KRT28: variants seen among roughly 807,000 people sequenced by gnomAD.
The protein encoded by KRT28 is keratin 28.
Under a neutral mutation model 48.1 loss-of-function variants are expected in KRT28, and 45 were observed. That is an observed-to-expected ratio of 0.94 (90% CI 0.74 to 1.20). The LOEUF (loss-of-function observed/expected upper bound fraction) is 1.20. Among genes scored for constraint, KRT28 ranks in the 50% most tolerant of loss-of-function variants. KRT28 has a pLI of 0.00. For missense variants in KRT28, 571 were observed against 574.1 expected, an observed-to-expected ratio of 0.99 and a Z score of 0.06; for synonymous variants, 228 against 227.4, an observed-to-expected ratio of 1.00 and a Z score of -0.03.
chr17:40,794,495 T>C (rs1342349173), intron 5 of KRT28, among the ~76,000 whole-genome samples: 1 of 152,242 alleles, frequency 6.6e-6, no homozygotes, highest in Non-Finnish European at 1.5e-5. Flanking sequence ...TTTGTGCTAC[T>C]GCTTTTTTTT....
intron 3 of KRT28, 149 bp downstream of exon 3, chr17:40,798,086 T>C: frequency 1.6e-6 from 1 of 640,918 alleles, no homozygotes; most frequent in East Asian, 2.5e-5. Flanking sequence ...CCCCTCGTAG[T>C]AGGTAGTATT....
At position 40,798,570 on chromosome 17, in the gene KRT28, G is replaced by C. The variant is rs1006259342; in HGVS notation, c.534-179C>G. On this transcript the variant is annotated intron_variant, in intron 2 of 7. Coordinates refer to ENST00000306658, the MANE Select transcript of KRT28 (RefSeq NM_181535.3). Reference sequence around the variant, plus strand: ...CACTCAATTCTGTACAGGATAATTGGAAGTTATTTCATCACACAAATTCCA... The same window carrying C: ...CACTCAATTCTGTACAGGATAATTGCAAGTTATTTCATCACACAAATTCCA... Among the ~76,000 whole-genome samples, 17 of 152,170 alleles carry C rather than the reference G, an allele frequency of 1.1e-4. 1 individual carries two copies. Among genetic ancestry groups the C allele is most frequent in the Admixed American group, 1.1e-3 (17 of 15,278 alleles).
intron 3 of KRT28, 68 bp downstream of exon 3, chr17:40,798,167 C>A (rs1218451137): frequency 2.7e-6 from 4 of 1,463,060 alleles, no homozygotes; most frequent in African/African-American, 1.4e-5. Flanking sequence ...TGATTTTAAC[C>A]CCCAACCCCT....
At chr17:40,795,820 C>G (rs1300285519) in intron 5 of KRT28, among the ~76,000 whole-genome samples, 1 of 152,170 alleles carries the variant, frequency 6.6e-6, no homozygotes, top group Non-Finnish European at 1.5e-5. Flanking sequence ...AGGATTCACT[C>G]ACACAGCTCC....
intron 1 of KRT28, 123 bp from the exon 2 acceptor site, chr17:40,799,122 C>A (rs1457929241): frequency 1.6e-6 from 1 of 612,336 alleles, no homozygotes; most frequent in Non-Finnish European, 2.8e-6. Context: ...ATGTAATAAT[C>A]AAAATGTTTC....
At chr17:40,796,540 C>T (rs767843809) in intron 5 of KRT28, among the ~76,000 whole-genome samples, 5 of 152,198 alleles carry the variant, frequency 3.3e-5, no homozygotes, top group Non-Finnish European at 7.4e-5. Context: ...GATGCTGGCT[C>T]CCTGCCCTGT....
Position 40,797,152 on chromosome 17 carries a change from G to A in KRT28, c.820C>T (p.Arg274Cys), listed in dbSNP as rs568772319. 3.1e-6 allele frequency: 5 copies of A among 1,614,136 alleles called. No homozygotes were observed. The highest frequency in any genetic ancestry group is 1.7e-5 in the Admixed American group (1 of 60,020). The change falls in exon 4 of 8, where the codon CGC (arginine) becomes TGC (cysteine). Residue 274 changes from arginine (R) to cysteine (C), a missense_variant. Coordinates refer to ENST00000306658, the MANE Select transcript of KRT28 (RefSeq NM_181535.3). ...AEYEALAEQN[R>C]KDAEAWFNEK... ...TTGAACCAGGCCTCCGCGTCCTTGC[G>A]GTTCTGCTCTGCAAGGGCTTCGTAC...
chr17:40,795,900 C>A (rs1904602411), intron 5 of KRT28, among the ~76,000 whole-genome samples: 1 of 152,018 alleles, frequency 6.6e-6, no homozygotes, highest in South Asian at 2.1e-4. Context: ...AGGAAGGTTC[C>A]AGGAGCCCAC....
At position 40,792,436 on chromosome 17, in the gene KRT28, A is replaced by G. The variant is rs1261053079; in HGVS notation, c.1386T>C (p.Val462=). The G allele has an allele frequency of 6.2e-7, 1 of 1,608,478 alleles. No homozygotes were observed. Among genetic ancestry groups the G allele is most frequent in the Admixed American group, 1.7e-5 (1 of 58,834 alleles). The part of the protein sequence containing the change: ...KMTNGKTEQR[V]PF ...TTCTCTAAAATGACAGCTAGAAAGGAACCCTTTGTTCTGTCTTGCCGTTGG... is the reference window on the plus strand; with the variant it reads ...TTCTCTAAAATGACAGCTAGAAAGGGACCCTTTGTTCTGTCTTGCCGTTGG... The change falls in exon 8 of 8, where the codon GTT becomes GTC. Residue 462 remains valine, a synonymous_variant. Coordinates refer to ENST00000306658, the MANE Select transcript of KRT28 (RefSeq NM_181535.3).
rs1246606990 is a variant in KRT28, at chr17:40,799,549, C to T, written c.345G>A (p.Glu115=). 6.2e-7 allele frequency: 1 copy of T among 1,614,214 alleles called. No individual in the cohort carries two copies. The highest frequency in any genetic ancestry group is 8.5e-7 in the Non-Finnish European group (1 of 1,180,042). Residue 115 remains glutamate (E), a synonymous_variant, in exon 1 of 8, where the codon GAG becomes GAA. Transcript: ENST00000306658. ...RALEEANAEL[E]RKIKGWYEKY... ...TTTCATACCAACCCTTGATTTTTCT[C>T]TCTAATTCAGCATTTGCCTCCTCCA...
At chr17:40,793,124 A>G (rs756536308) in intron 7 of KRT28, 31 bp downstream of exon 7, 43 of 1,439,876 alleles carry the variant, frequency 3.0e-5, no homozygotes, top group Non-Finnish European at 4.1e-5. Flanking sequence ...AAAGAAAAGA[A>G]AAGAAAAGAA....
rs76772607 is a variant in KRT28, at chr17:40,797,180, C to G, written c.792G>C (p.Ala264=). 2 of 1,614,150 alleles carry G rather than the reference C, an allele frequency of 1.2e-6. No individual in the cohort carries two copies. Among genetic ancestry groups the G allele is most frequent in the Admixed American group, 1.7e-5 (1 of 60,028 alleles). Reference sequence around the variant, plus strand: ...TCTGCTCTGCAAGGGCTTCGTACTCCGCTCGCATGTTGTTCAACAAAACCG... The same window carrying G: ...TCTGCTCTGCAAGGGCTTCGTACTCGGCTCGCATGTTGTTCAACAAAACCG... ...DLAVLLNNMR[A]EYEALAEQNR... is the part of the protein sequence containing the mutation. The change falls in exon 4 of 8, where the codon GCG becomes GCC. Residue 264 remains alanine, a synonymous_variant. Coordinates refer to ENST00000306658, the MANE Select transcript of KRT28 (RefSeq NM_181535.3).
chr17:40,797,066 C>T (rs1904628934), intron 4 of KRT28, 25 bp from the exon 5 acceptor site: 4 of 1,610,064 alleles, frequency 2.5e-6, no homozygotes, highest in Middle Eastern at 3.3e-4. Flanking sequence ...AAAAGGGTCA[C>T]ACGGAGTCCC....
chr17:40,792,547 T>C lies in KRT28; in HGVS notation c.1275A>G (p.Val425=), dbSNP rs1904516989. 1 of 1,611,360 alleles carries C rather than the reference T, an allele frequency of 6.2e-7. No individual in the cohort carries two copies. The highest frequency in any genetic ancestry group is 8.5e-7 in the Non-Finnish European group (1 of 1,179,018). ...GATCTAGCTCTTCAACCACTGTCTT[T>C]ACCAGTGTGGTTTTGGATAAATCTA... The part of the protein sequence containing the change: ...SSKDLSKTTL[V]KTVVEELDQR... The change falls in exon 8 of 8, where the codon GTA becomes GTG. Residue 425 remains valine (V), a synonymous_variant. Transcript: ENST00000306658.
chr17:40,797,051 C>CG lies in KRT28; in HGVS notation c.853-11dup. The stretch of plus-strand genomic sequence containing the variant: ...GCTGCAGCGAGGCGCTCTGTAGGGC[C>CG]GGGAAAAAGGGTCACACGGAGTCCC... On this transcript the variant is annotated splice_polypyrimidine_tract_variant and intron_variant, in intron 4 of 7. Coordinates refer to ENST00000306658, the MANE Select transcript of KRT28 (RefSeq NM_181535.3). 1 of 1,609,428 alleles carries CG rather than the reference C, an allele frequency of 6.2e-7. No individual in the cohort carries two copies. Among genetic ancestry groups the CG allele is most frequent in the Non-Finnish European group, 8.5e-7 (1 of 1,177,574 alleles).
chr17:40,794,213 G>A (rs1057311964), intron 5 of KRT28, among the ~76,000 whole-genome samples, 167 bp from the exon 6 acceptor site: 15 of 152,098 alleles, frequency 9.9e-5, no homozygotes, highest in Non-Finnish European at 1.8e-4. Context: ...TGAAGTGAGG[G>A]CCAGGCATGA....
chr17:40,799,655 C>T lies in KRT28; in HGVS notation c.239G>A (p.Gly80Glu). The T allele has an allele frequency of 6.2e-7, 1 of 1,614,150 alleles. No homozygotes were observed. The highest frequency in any genetic ancestry group is 8.5e-7 in the Non-Finnish European group (1 of 1,180,026). Residue 80 changes from glycine to glutamate, a missense_variant, in exon 1 of 8, where the codon GGA becomes GAA. Gly to Glu is a moderately conservative substitution (Grantham distance 98). Coordinates refer to ENST00000306658, the MANE Select transcript of KRT28 (RefSeq NM_181535.3). ...CACCTTCTCATTTCCAGAGAGGAGT[C>T]CCCCTTCGCTTCCAGCAAAGCCAAT... ...ACIGFAGSEGGLLSGNEKVTM... is the reference protein window; with the variant it reads ...ACIGFAGSEGELLSGNEKVTM...
At chr17:40,796,333 T>C (rs1904612701) in intron 5 of KRT28, among the ~76,000 whole-genome samples, 1 of 152,228 alleles carries the variant, frequency 6.6e-6, no homozygotes, top group African/African-American at 2.4e-5. Context: ...AGCCAGGAGC[T>C]GGTGGTATGC....
Position 40,798,396 on chromosome 17 carries a change from G to A in KRT28, c.534-5C>T, listed in dbSNP as rs375332823. ...AGGGTGAGCTCATTTTCATACCTTG[G>A]GGGGCATTTAAGTGAATTTCAGTGC... On this transcript the variant is annotated splice_region_variant and splice_polypyrimidine_tract_variant and intron_variant, in intron 2 of 7. Coordinates refer to ENST00000306658, the MANE Select transcript of KRT28 (RefSeq NM_181535.3). The A allele has an allele frequency of 7.4e-5, 118 of 1,592,400 alleles. No individual in the cohort carries two copies. The highest frequency in any genetic ancestry group is 9.8e-5 in the Non-Finnish European group (114 of 1,165,346).
Sources: allele counts gnomAD v4.1 joint callset (sites outside exome capture counted in the v4.1 genomes callset), GRCh38; gene constraint gnomAD v4.1.1; transcripts MANE v1.5; gene names NCBI Gene and HGNC (gene_info 2026-07-23, HGNC 2026-07-21).